Variants in PTGER3 observed in about 807,000 individuals in gnomAD.
PTGER3 encodes prostaglandin E2 receptor EP3 subtype.
A neutral mutation model predicts 34.7 loss-of-function variants in PTGER3; 22 were observed. That is an observed-to-expected ratio of 0.63 (90% confidence interval 0.45 to 0.91). The LOEUF (loss-of-function observed/expected upper bound fraction) is 0.91. Among genes scored for constraint, PTGER3 ranks in the 40% least tolerant of loss-of-function variants. The pLI is 0.00. For synonymous variants in PTGER3, 241 were observed against 230.1 expected, an observed-to-expected ratio of 1.05 and a Z score of -0.43; for missense variants, 468 against 519.4, an observed-to-expected ratio of 0.90 and a Z score of 0.96.
chr1:70,905,145 G>T (rs1572606874), intron 4 of PTGER3, among the ~76,000 whole-genome samples: 1 of 152,138 alleles, frequency 6.6e-6, no homozygotes, highest in Non-Finnish European at 1.5e-5. Flanking sequence ...GTGCACAGAG[G>T]TCAAGAATTG....
intron 2 of PTGER3, chr1:71,007,072 A>T: frequency 1.0e-6 from 1 of 985,012 alleles, no homozygotes; most frequent in Non-Finnish European, 1.2e-6. Context: ...TACCCATAAA[A>T]CTTTACATAG....
chr1:70,974,614 T>C (rs1239111751), intron 2 of PTGER3, among the ~76,000 whole-genome samples: 1 of 152,140 alleles, frequency 6.6e-6, no homozygotes, highest in Non-Finnish European at 1.5e-5. Context: ...ATGTCTGATA[T>C]GACTGGGGAA....
chr1:70,975,161 A>G (rs1453256358), intron 2 of PTGER3, among the ~76,000 whole-genome samples: 1 of 152,178 alleles, frequency 6.6e-6, no homozygotes, highest in Non-Finnish European at 1.5e-5. Flanking sequence ...TAAGCTTCAC[A>G]AGAGCAGGAA....
Position 70,900,566 on chromosome 1 carries a change from G to A in PTGER3, c.*24-47707C>T, listed in dbSNP as rs1212244780. 2.6e-5 allele frequency among the ~76,000 whole-genome samples: 4 copies of A among 152,286 alleles called. No individual in the cohort carries two copies. In the East Asian group the frequency reaches 7.7e-4, roughly 29 times the overall value. ...GATGAATTTAGAGCGGAAAGAGGTTGTAAACACAGTGTGTTGAGCATTTCT... is the reference window on the plus strand; with the variant it reads ...GATGAATTTAGAGCGGAAAGAGGTTATAAACACAGTGTGTTGAGCATTTCT... On this transcript the variant is annotated intron_variant, in intron 4 of 4. Transcript: ENST00000370931.
downstream of PTGER3, among the ~76,000 whole-genome samples, chr1:70,967,765 C>G (rs1021711863): frequency 2.6e-5 from 4 of 152,058 alleles, no homozygotes; most frequent in Non-Finnish European, 5.9e-5. Flanking sequence ...CTTAGTTTAT[C>G]TGATTTCCTT....
intron 2 of PTGER3, chr1:71,009,767 T>C: frequency 2.0e-6 from 2 of 985,222 alleles, no homozygotes; most frequent in Non-Finnish European, 2.4e-6. Context: ...ATTAGACATA[T>C]GTATGGACAA....
intron 4 of PTGER3, among the ~76,000 whole-genome samples, chr1:70,912,120 T>C (rs1307217109): frequency 1.3e-5 from 2 of 152,044 alleles, no homozygotes; most frequent in Non-Finnish European, 2.9e-5. Flanking sequence ...GAAGTTATGG[T>C]AACTCGGTGT....
At chr1:70,946,723 C>T (rs766191466) in intron 4 of PTGER3, among the ~76,000 whole-genome samples, 3 of 152,126 alleles carry the variant, frequency 2.0e-5, no homozygotes, top group Non-Finnish European at 4.4e-5. Flanking sequence ...CCTACCGGAA[C>T]TTCTGCTATA....
intron 4 of PTGER3, among the ~76,000 whole-genome samples, chr1:70,927,106 C>G (rs1254934873): frequency 6.6e-6 from 1 of 152,256 alleles, no homozygotes; most frequent in Non-Finnish European, 1.5e-5. Flanking sequence ...GGGATTTTTG[C>G]ATCAATGTTC....
At chr1:71,023,426 G>A (rs1352890788) in intron 1 of PTGER3, among the ~76,000 whole-genome samples, 1 of 151,758 alleles carries the variant, frequency 6.6e-6, no homozygotes, top group African/African-American at 2.4e-5. Context: ...TTTCTGAATT[G>A]TATCTTAGAG....
intron 4 of PTGER3, among the ~76,000 whole-genome samples, chr1:70,894,309 C>CAAAAAAAAAAA (rs35974984): frequency 2.1e-5 from 1 of 46,722 alleles, no homozygotes; most frequent in Non-Finnish European, 3.6e-5. Context: ...AACTCCATCT[C>CAAAAAAAAAAA]AAAAAAAAAA....
downstream of PTGER3, among the ~76,000 whole-genome samples, chr1:70,950,315 G>T (rs1468515645): frequency 6.6e-6 from 1 of 152,120 alleles, no homozygotes; most frequent in Non-Finnish European, 1.5e-5. Context: ...CAAACTCAAA[G>T]CCATTTATAA....
intron 4 of PTGER3, among the ~76,000 whole-genome samples, chr1:70,880,068 G>C: frequency 6.6e-6 from 1 of 151,904 alleles, no homozygotes; most frequent in Admixed American, 6.6e-5. Context: ...CTTCAGCCTG[G>C]TGACAGTGAG....
chr1:70,876,734 T>C (rs138677981), intron 4 of PTGER3, among the ~76,000 whole-genome samples: 35 of 152,270 alleles, frequency 2.3e-4, no homozygotes, highest in African/African-American at 7.9e-4. Flanking sequence ...TTACTTGTTT[T>C]TGTCAACTTT....
intron 2 of PTGER3, among the ~76,000 whole-genome samples, chr1:70,984,812 A>G (rs547845635): frequency 4.6e-5 from 7 of 152,216 alleles, no homozygotes; most frequent in Admixed American, 3.9e-4. Context: ...GGAAAAAAAT[A>G]AGAAAAAGAT....
intron 2 of PTGER3, chr1:71,011,621 C>T (rs184752959): frequency 1.0e-6 from 1 of 983,868 alleles, no homozygotes; most frequent in Non-Finnish European, 1.2e-6. Flanking sequence ...AAAGAGTAAA[C>T]CTAATTATCA....
chr1:71,042,765 G>A (rs2100999928), intron 1 of PTGER3, among the ~76,000 whole-genome samples: 1 of 152,102 alleles, frequency 6.6e-6, no homozygotes, highest in East Asian at 1.9e-4. Context: ...ATACATCAGT[G>A]ACTCCTTAAC....
chr1:70,978,267 G>A (rs534863608), intron 2 of PTGER3, among the ~76,000 whole-genome samples: 1 of 152,176 alleles, frequency 6.6e-6, no homozygotes, highest in South Asian at 2.1e-4. Context: ...TAGTACTCAG[G>A]CTAGATATAC....
At chr1:70,962,450 C>T (rs1652029771) in intron 2 of PTGER3, among the ~76,000 whole-genome samples, 1 of 150,698 alleles carries the variant, frequency 6.6e-6, no homozygotes, top group Non-Finnish European at 1.5e-5. Context: ...TCCCTCACTG[C>T]CAACAAAGAC....
Sources: allele counts gnomAD v4.1 joint callset (sites outside exome capture counted in the v4.1 genomes callset), GRCh38; gene constraint gnomAD v4.1.1; transcripts MANE v1.5; gene names NCBI Gene and HGNC (gene_info 2026-07-23, HGNC 2026-07-21).